The following PSD3 variants were observed in gnomAD, a reference collection of about 807,000 sequenced individuals.
PSD3 encodes the protein pleckstrin and Sec7 domain containing 3, also known as PH and SEC7 domain-containing protein 3.
PSD3 carries 49 observed loss-of-function variants against 105.5 expected under a neutral mutation model. That is an observed-to-expected ratio of 0.46 (90% CI 0.37 to 0.59). PSD3 has a LOEUF of 0.59. Among genes scored for constraint, PSD3 ranks in the 20% least tolerant of loss-of-function variants. The pLI, the probability that PSD3 is intolerant of heterozygous loss-of-function variation, is 0.00. For missense variants in PSD3, 1,561 were observed against 1,263.8 expected (o/e 1.24, Z -3.57); for synonymous variants, 557 against 457.8 (o/e 1.22, Z -2.77).
intron 11 of PSD3, among the ~76,000 whole-genome samples, chr8:18,621,593 T>C (rs369853610): frequency 2.3e-4 from 35 of 152,294 alleles, no homozygotes; most frequent in African/African-American, 7.7e-4. Context: ...ACAGCCAATA[T>C]TCCATTAAAA....
intron 4 of PSD3, among the ~76,000 whole-genome samples, chr8:18,859,755 T>A (rs1243394595): frequency 1.3e-5 from 2 of 151,828 alleles, no homozygotes; most frequent in African/African-American, 4.9e-5. Flanking sequence ...CCCTCACCTG[T>A]CTCAGCTTTC....
intron 1 of PSD3, among the ~76,000 whole-genome samples, chr8:19,051,943 A>G (rs1249996673): frequency 6.6e-6 from 1 of 152,248 alleles, no homozygotes; most frequent in African/African-American, 2.4e-5. Flanking sequence ...AATATCTTCC[A>G]CTGATACTAC....
intron 13 of PSD3, among the ~76,000 whole-genome samples, chr8:18,574,857 T>C (rs1036821085): frequency 6.6e-6 from 1 of 152,210 alleles, no homozygotes; most frequent in Non-Finnish European, 1.5e-5. Context: ...AAAACCCTCA[T>C]ATTTTATTGA....
chr8:18,717,185 C>G (rs751681578), intron 9 of PSD3, among the ~76,000 whole-genome samples: 14 of 151,998 alleles, frequency 9.2e-5, no homozygotes, highest in Middle Eastern at 3.2e-3. Flanking sequence ...CAAACTCAAA[C>G]AAGAGAATGA....
intron 9 of PSD3, among the ~76,000 whole-genome samples, chr8:18,706,080 T>A (rs1801879184): frequency 6.6e-6 from 1 of 152,124 alleles, no homozygotes; most frequent in African/African-American, 2.4e-5. Flanking sequence ...TGGCTCAGCG[T>A]CCAGTTCTTC....
At chr8:18,897,587 T>A (rs1819234346) in intron 2 of PSD3, among the ~76,000 whole-genome samples, 1 of 152,188 alleles carries the variant, frequency 6.6e-6, no homozygotes, top group Non-Finnish European at 1.5e-5. Context: ...GTATACTGCT[T>A]TTTGTAGTAT....
intron 9 of PSD3, among the ~76,000 whole-genome samples, chr8:18,676,037 G>A (rs1174230820): frequency 2.0e-5 from 3 of 152,118 alleles, no homozygotes; most frequent in African/African-American, 4.8e-5. Flanking sequence ...ATGATGCTAC[G>A]AAACTCCCTG....
chr8:18,755,664 C>T (rs1005776750), intron 9 of PSD3, among the ~76,000 whole-genome samples: 1 of 151,958 alleles, frequency 6.6e-6, no homozygotes, highest in African/African-American at 2.4e-5. Context: ...AAACTTTTTT[C>T]CTTTTTTCTT....
At chr8:19,021,398 A>G (rs1013172858) in intron 1 of PSD3, among the ~76,000 whole-genome samples, 1 of 152,142 alleles carries the variant, frequency 6.6e-6, no homozygotes, top group African/African-American at 2.4e-5. Context: ...GTTTGTCTCA[A>G]GCTATGTTTT....
At chr8:18,638,422 C>T (rs1269315922) in intron 10 of PSD3, among the ~76,000 whole-genome samples, 1 of 151,280 alleles carries the variant, frequency 6.6e-6, no homozygotes, top group Non-Finnish European at 1.5e-5. Context: ...ACTGTTAGAA[C>T]TGCTAAAGTC....
intron 2 of PSD3, among the ~76,000 whole-genome samples, chr8:18,892,492 G>A (rs1818865641): frequency 6.6e-6 from 1 of 151,950 alleles, no homozygotes. Context: ...CAAAGTGCTG[G>A]GATTACAGGC....
chr8:18,874,708 A>G (rs1359375085), intron 2 of PSD3, among the ~76,000 whole-genome samples: 1 of 150,996 alleles, frequency 6.6e-6, no homozygotes, highest in Non-Finnish European at 1.5e-5. Context: ...ATCTCAAAAA[A>G]AAAAAAAAAA....
intron 1 of PSD3, among the ~76,000 whole-genome samples, chr8:18,988,956 C>T (rs73666776): frequency 6.6e-6 from 1 of 152,304 alleles, no homozygotes; most frequent in African/African-American, 2.4e-5. Context: ...GGGCCGAGCC[C>T]ACCATGTGAC....
chr8:19,071,986 A>C (rs1321860246), intron 1 of PSD3, among the ~76,000 whole-genome samples: 1 of 152,160 alleles, frequency 6.6e-6, no homozygotes, highest in Admixed American at 6.5e-5. Flanking sequence ...CTGGGATTCC[A>C]GGCGTAAGCC....
At chr8:18,667,545 G>T (rs182491976) in intron 9 of PSD3, among the ~76,000 whole-genome samples, 10 of 152,322 alleles carry the variant, frequency 6.6e-5, no homozygotes, top group Non-Finnish European at 1.2e-4. Flanking sequence ...GCTGATTGGC[G>T]TGTTTACAAT....
chr8:18,872,847 T>A, intron 2 of PSD3, 114 bp from the exon 3 acceptor site: 1 of 1,051,544 alleles, frequency 9.5e-7, no homozygotes, highest in Non-Finnish European at 1.4e-6. Flanking sequence ...ACTTGATTAT[T>A]GCATTATATC....
intron 2 of PSD3, among the ~76,000 whole-genome samples, chr8:18,895,936 G>A (rs369423989): frequency 2.6e-5 from 4 of 152,102 alleles, no homozygotes; most frequent in South Asian, 4.1e-4. Context: ...TCCTGTATCC[G>A]TTAACTAACC....
Position 18,580,114 on chromosome 8 carries a change from T to C in PSD3, c.2482-4829A>G, listed in dbSNP as rs575254346. On this transcript the variant is annotated intron_variant, in intron 12 of 15. Coordinates refer to ENST00000327040, the MANE Select transcript of PSD3 (RefSeq NM_015310.4). ...AATGCTAAGTATGTCTGATTAGGCG[T>C]CTTTCTAAAACTCATTCAGCTTCGT... 3.3e-5 allele frequency among the ~76,000 whole-genome samples: 5 copies of C among 152,266 alleles called. No individual in the cohort carries two copies. The South Asian group carries it at 6.2e-4, about 19-fold the overall frequency.
intron 8 of PSD3, among the ~76,000 whole-genome samples, chr8:18,792,210 A>G (rs750415197): frequency 2.6e-5 from 4 of 152,226 alleles, no homozygotes; most frequent in Non-Finnish European, 4.4e-5. Context: ...CAATCCCATT[A>G]CTGGGTATAT....
Sources: gnomAD v4.1 joint callset for allele counts (sites outside exome capture counted in the v4.1 genomes callset) on GRCh38, gnomAD v4.1.1 for gene constraint, MANE v1.5 for transcripts, NCBI Gene and HGNC (gene_info 2026-07-23, HGNC 2026-07-21) for gene names.